Variants in MMP26 observed in about 807,000 individuals in gnomAD.
The protein encoded by MMP26 is matrix metallopeptidase 26, also known as matrix metalloproteinase-26.
Under a neutral mutation model 31.0 loss-of-function variants are expected in MMP26, and 33 were observed. The ratio of observed to expected loss-of-function variants is 1.06; its 90% confidence interval spans 0.81 to 1.42. MMP26 has a LOEUF of 1.42. Ranked by LOEUF, MMP26 falls within the 40% of genes most tolerant of loss-of-function variation. The probability of loss-of-function intolerance (pLI) is 0.00; values close to 1 mark genes in which losing one functional copy is unlikely to be tolerated. For missense variants in MMP26, 347 were observed against 316.1 expected (o/e 1.10, Z -0.74); for synonymous variants, 122 against 114.9 (o/e 1.06, Z -0.40).
intron 2 of MMP26, among the ~76,000 whole-genome samples, chr11:4,926,163 A>C (rs371975168): frequency 0.016 from 2,302 of 142,794 alleles, 54 homozygotes; most frequent in African/African-American, 0.054. Context: ...AATAACAATA[A>C]AATAATAACA....
intron 2 of MMP26, among the ~76,000 whole-genome samples, chr11:4,965,913 A>G (rs1475004946): frequency 6.6e-6 from 1 of 152,206 alleles, no homozygotes; most frequent in African/African-American, 2.4e-5. Flanking sequence ...CCTTCTAAGT[A>G]GTTGTAGCAT....
At chr11:4,804,033 C>T (rs1471772997) in intron 2 of MMP26, 2 of 1,613,850 alleles carry the variant, frequency 1.2e-6, no homozygotes, top group Non-Finnish European at 1.7e-6. Context: ...CCATGAGCAC[C>T]CCAGACTCCA....
chr11:4,718,098 A>AG lies in MMP26; in HGVS notation c.-217+13057dup, dbSNP rs746663456. On this transcript the variant is annotated intron_variant, in intron 1 of 7. Coordinates refer to ENST00000380390, the MANE Select transcript of MMP26 (RefSeq NM_021801.5). ...AGGGTATTATCACACTGCAGATAGT[A>AG]GGGGATCAACAAATGTTGGCTATTT... 8.5e-5 allele frequency among the ~76,000 whole-genome samples: 13 copies of AG among 152,328 alleles called. No homozygotes were observed. In the South Asian group the frequency reaches 1.2e-3, roughly 15 times the overall value.
intron 2 of MMP26, among the ~76,000 whole-genome samples, chr11:4,934,934 T>G (rs1306557637): frequency 6.6e-6 from 1 of 151,674 alleles, no homozygotes; most frequent in African/African-American, 2.4e-5. Context: ...CATTGATCTA[T>G]ATCTCTGTTT....
intron 2 of MMP26, among the ~76,000 whole-genome samples, chr11:4,784,922 A>C (rs1848914439): frequency 6.6e-6 from 1 of 152,228 alleles, no homozygotes; most frequent in South Asian, 2.1e-4. Flanking sequence ...AATGTGTTGC[A>C]TATTTCAAGA....
chr11:4,804,261 C>T, intron 2 of MMP26: 1 of 1,613,924 alleles, frequency 6.2e-7, no homozygotes, highest in Non-Finnish European at 8.5e-7. Flanking sequence ...CAACAACAGC[C>T]ACAGCATACG....
At chr11:4,790,361 AC>A (rs1318637661) in intron 2 of MMP26, among the ~76,000 whole-genome samples, 1 of 152,094 alleles carries the variant, frequency 6.6e-6, no homozygotes, top group Non-Finnish European at 1.5e-5. Flanking sequence ...AAACAAACAA[AC>A]AAAAAAAAGC....
chr11:4,967,374 A>G (rs1846610721), intron 2 of MMP26, among the ~76,000 whole-genome samples: 1 of 152,200 alleles, frequency 6.6e-6, no homozygotes, highest in East Asian at 1.9e-4. Context: ...CAAAGGCCTT[A>G]TACGTTTTCT....
chr11:4,870,364 A>G (rs1423449813), intron 2 of MMP26, among the ~76,000 whole-genome samples: 2 of 152,144 alleles, frequency 1.3e-5, no homozygotes, highest in Non-Finnish European at 2.9e-5. Flanking sequence ...TATATGGTCT[A>G]TACCATGTAG....
chr11:4,886,945 ACTTAATT>A (rs1850553865), intron 2 of MMP26, among the ~76,000 whole-genome samples: 1 of 151,948 alleles, frequency 6.6e-6, no homozygotes, highest in Admixed American at 6.6e-5. Context: ...TTATCTTTGT[ACTTAATT>A]CTTAATTTAT....
chr11:4,779,596 A>C (rs984533989), intron 2 of MMP26, among the ~76,000 whole-genome samples: 3 of 152,062 alleles, frequency 2.0e-5, no homozygotes, highest in Non-Finnish European at 4.4e-5. Flanking sequence ...TGGATAATTC[A>C]CTAGCAAACA....
chr11:4,939,864 A>G (rs764838354), intron 2 of MMP26, among the ~76,000 whole-genome samples: 1 of 152,182 alleles, frequency 6.6e-6, no homozygotes, highest in Non-Finnish European at 1.5e-5. Context: ...TTATGAATTT[A>G]CACATCCTCT....
At chr11:4,705,649 C>T (rs530252928) in intron 1 of MMP26, among the ~76,000 whole-genome samples, 1 of 152,052 alleles carries the variant, frequency 6.6e-6, no homozygotes, top group Non-Finnish European at 1.5e-5. Flanking sequence ...TTAGTTTTAG[C>T]GCAGGACAAC....
intron 2 of MMP26, among the ~76,000 whole-genome samples, chr11:4,918,195 G>T (rs1051959278): frequency 2.0e-5 from 3 of 152,062 alleles, no homozygotes; most frequent in African/African-American, 7.2e-5. Context: ...CAGTGCCGGA[G>T]CTGGAATTCA....
At chr11:4,728,322 A>G (rs1848130342) in intron 1 of MMP26, among the ~76,000 whole-genome samples, 2 of 152,344 alleles carry the variant, frequency 1.3e-5, no homozygotes, top group South Asian at 4.1e-4. Context: ...TTTCCAGAGT[A>G]CTGGGTACTG....
intron 1 of MMP26, chr11:4,723,926 T>C: frequency 4.5e-6 from 4 of 896,532 alleles, no homozygotes; most frequent in Admixed American, 1.7e-5. Context: ...GCCTGGATGT[T>C]GGGATCTACC....
In MMP26 at chr11:4,988,247, GC is replaced by G; in HGVS notation, c.39del (p.Trp14GlyfsTer28). 1 of 1,614,062 alleles carries G rather than the reference GC, an allele frequency of 6.2e-7. No individual in the cohort carries two copies. The highest frequency in any genetic ancestry group is 8.5e-7 in the Non-Finnish European group (1 of 1,180,012). ...TCATCTTAAGAGTTACTATCTTCTT[GC>G]CCTGGTGTTTCGCCGTTCCAGTGCC... Reference protein sequence around the residue: ...LVILRVTIFLPWCFAVPVPPA... With the variant: ...LVILRVTIFLXWCFAVPVPPA... On this transcript the variant is annotated frameshift_variant, in exon 3 of 8. Transcript: ENST00000380390. LOFTEE classifies it high-confidence loss of function.
chr11:4,764,723 A>G (rs539023717), intron 1 of MMP26, among the ~76,000 whole-genome samples: 4 of 152,112 alleles, frequency 2.6e-5, no homozygotes, highest in Admixed American at 2.6e-4. Flanking sequence ...AATACAAAAA[A>G]TTAGCTGGGC....
chr11:4,807,702 G>T (rs757480556), intron 2 of MMP26, among the ~76,000 whole-genome samples: 1 of 152,050 alleles, frequency 6.6e-6, no homozygotes, highest in African/African-American at 2.4e-5. Context: ...AACCAACGTG[G>T]CACATGTATA....
Sources: gnomAD v4.1 joint callset for allele counts (sites outside exome capture counted in the v4.1 genomes callset) on GRCh38, gnomAD v4.1.1 for gene constraint, MANE v1.5 for transcripts, NCBI Gene and HGNC (gene_info 2026-07-23, HGNC 2026-07-21) for gene names.